The following FER1L6 variants were observed in gnomAD, a reference collection of about 807,000 sequenced individuals.
The protein encoded by FER1L6 is fer-1 like family member 6, also known as fer-1-like protein 6.
FER1L6 carries 177 observed loss-of-function variants against 219.2 expected under a neutral mutation model. The ratio of observed to expected loss-of-function variants is 0.81; its 90% CI spans 0.71 to 0.91. The LOEUF (loss-of-function observed/expected upper bound fraction) is 0.91, where lower values mean the gene tolerates loss of function less well. Among genes scored for constraint, FER1L6 ranks in the 40% least tolerant of loss-of-function variants. The pLI is 0.00. For missense variants in FER1L6, 2,153 were observed against 2,259.9 expected, an observed-to-expected ratio of 0.95 and a Z score of 0.96; for synonymous variants, 768 against 824.3, an observed-to-expected ratio of 0.93 and a Z score of 1.17.
intron 1 of FER1L6, among the ~76,000 whole-genome samples, chr8:123,915,949 C>G (rs1813176021): frequency 6.6e-6 from 1 of 152,132 alleles, no homozygotes; most frequent in Admixed American, 6.6e-5. Context: ...ATGACAAGTT[C>G]AGTAAAGTAT....
At chr8:123,918,683 G>A (rs1467406323) in intron 1 of FER1L6, among the ~76,000 whole-genome samples, 1 of 150,914 alleles carries the variant, frequency 6.6e-6, no homozygotes, top group Non-Finnish European at 1.5e-5. Flanking sequence ...GAGAGTGAAT[G>A]CTGTTAGGTG....
intron 12 of FER1L6, among the ~76,000 whole-genome samples, chr8:123,989,275 G>A (rs1816742639): frequency 2.0e-5 from 3 of 152,074 alleles, no homozygotes; most frequent in African/African-American, 4.8e-5. Flanking sequence ...ATATTGGCCT[G>A]TAATTTTCTT....
Position 123,865,900 on chromosome 8 carries a change from A to C in FER1L6, c.-8+13715A>C, listed in dbSNP as rs566146618. Among the ~76,000 whole-genome samples the C allele has an allele frequency of 3.0e-3, 452 of 151,426 alleles. 26 individuals carry two copies. Among genetic ancestry groups the C allele is most frequent in the African/African-American group, 0.011 (441 of 40,734 alleles). ...CTGTCTGGCACTCCCTAGTGAGATG[A>C]ACCCGGTACCTCAGATGGAAATGCA... On this transcript the variant is annotated intron_variant, in intron 1 of 40. Coordinates refer to ENST00000522917, the MANE Select transcript of FER1L6 (RefSeq NM_001039112.2).
At chr8:123,972,865 T>C (rs1456244752) in intron 6 of FER1L6, among the ~76,000 whole-genome samples, 1 of 152,230 alleles carries the variant, frequency 6.6e-6, no homozygotes, top group Non-Finnish European at 1.5e-5. Flanking sequence ...CACCTTCCTT[T>C]AGAACTTCCT....
At chr8:124,016,880 G>A (rs1818225352) in intron 15 of FER1L6, among the ~76,000 whole-genome samples, 1 of 152,074 alleles carries the variant, frequency 6.6e-6, no homozygotes, top group Non-Finnish European at 1.5e-5. Context: ...AAGAATTCTA[G>A]TGTAATTTAG....
At chr8:124,056,834 C>A (rs1033157156) in intron 22 of FER1L6, among the ~76,000 whole-genome samples, 1 of 152,116 alleles carries the variant, frequency 6.6e-6, no homozygotes, top group Non-Finnish European at 1.5e-5. Flanking sequence ...CACCTGAGGT[C>A]GGAAGTTCGA....
intron 19 of FER1L6, among the ~76,000 whole-genome samples, chr8:124,036,688 C>T (rs913975888): frequency 2.0e-5 from 3 of 152,100 alleles, no homozygotes; most frequent in Non-Finnish European, 4.4e-5. Context: ...CTATTTTTAT[C>T]GACTATCTCT....
intron 35 of FER1L6, among the ~76,000 whole-genome samples, chr8:124,095,683 CTG>C (rs1371652830): frequency 1.3e-5 from 2 of 152,198 alleles, no homozygotes; most frequent in African/African-American, 2.4e-5. Flanking sequence ...TTTATCCAAA[CTG>C]GGGCCATTTG....
intron 26 of FER1L6, among the ~76,000 whole-genome samples, chr8:124,065,138 A>C (rs916600146): frequency 6.6e-6 from 1 of 152,148 alleles, no homozygotes; most frequent in African/African-American, 2.4e-5. Context: ...TCACACCTGT[A>C]ATCCTAGCAC....
intron 32 of FER1L6, among the ~76,000 whole-genome samples, chr8:124,077,162 T>A (rs1333409845): frequency 6.6e-6 from 1 of 152,236 alleles, no homozygotes; most frequent in African/African-American, 2.4e-5. Context: ...GTTCCTAGTT[T>A]TCCTGACCTG....
At position 123,980,215 on chromosome 8, in the gene FER1L6, G is replaced by A. The variant is rs1475220802; in HGVS notation, c.1064-250G>A. Among the ~76,000 whole-genome samples, 9 of 152,276 alleles carry A rather than the reference G, an allele frequency of 5.9e-5. No individual in the cohort carries two copies. The South Asian group carries it at 1.5e-3, about 25-fold the overall frequency. On this transcript the variant is annotated intron_variant, in intron 10 of 40. Coordinates refer to ENST00000522917, the MANE Select transcript of FER1L6 (RefSeq NM_001039112.2). ...ATGGGGGAATCAATAAACATTTGAT[G>A]AATAAGTGAACAGAACAGAATGCAG...
At chr8:124,045,423 T>C (rs1819682290) in intron 20 of FER1L6, among the ~76,000 whole-genome samples, 1 of 152,190 alleles carries the variant, frequency 6.6e-6, no homozygotes, top group African/African-American at 2.4e-5. Flanking sequence ...GCATGTGAAA[T>C]TCAGCACACC....
rs372652726 is a variant in FER1L6, at chr8:123,980,807, C to A, written c.1406C>A (p.Pro469Gln). 6.2e-7 allele frequency: 1 copy of A among 1,612,042 alleles called. No homozygotes were observed. The highest frequency in any genetic ancestry group is 1.7e-5 in the Admixed American group (1 of 59,890). Residue 469 changes from proline to glutamine, a missense_variant, in exon 11 of 41, where the codon CCG becomes CAG. Pro to Gln is a moderately conservative substitution (Grantham distance 76). Coordinates refer to ENST00000522917, the MANE Select transcript of FER1L6 (RefSeq NM_001039112.2). ...EVEVESFDVP[P>Q]EIVPEKNEEF... ...GAGGTGGAATCGTTCGATGTCCCCC[C>A]GGAGGTAGGTCTAGGCACTGCATTA...
intron 32 of FER1L6, among the ~76,000 whole-genome samples, chr8:124,077,856 T>A (rs1450912959): frequency 6.6e-6 from 1 of 152,192 alleles, no homozygotes; most frequent in Non-Finnish European, 1.5e-5. Flanking sequence ...AATCCCACAA[T>A]GTTCCAGCAG....
At chr8:123,925,179 C>G (rs4472497) in intron 1 of FER1L6, among the ~76,000 whole-genome samples, 1 of 152,112 alleles carries the variant, frequency 6.6e-6, no homozygotes, top group Non-Finnish European at 1.5e-5. Flanking sequence ...GGACTTCTCT[C>G]TCATGGAATA....
chr8:123,890,625 A>ATTTTTTTTTTTTTTT (rs59914385), intron 1 of FER1L6, among the ~76,000 whole-genome samples: 2 of 91,432 alleles, frequency 2.2e-5, no homozygotes, highest in East Asian at 3.4e-4. Flanking sequence ...TAAAAATTTG[A>ATTTTTTTTTTTTTTT]TTTTTTTTTT....
chr8:124,041,168 G>A (rs1043076186), intron 20 of FER1L6, among the ~76,000 whole-genome samples: 3 of 152,174 alleles, frequency 2.0e-5, no homozygotes, highest in Non-Finnish European at 4.4e-5. Flanking sequence ...CCATGGGTTA[G>A]CACACACAGT....
chr8:124,080,088 G>A (rs983018724), intron 32 of FER1L6, among the ~76,000 whole-genome samples: 2 of 152,098 alleles, frequency 1.3e-5, no homozygotes, highest in East Asian at 1.9e-4. Context: ...CTGAATGAAC[G>A]AATGAATAAA....
rs751082003 is a variant in FER1L6 at position 124,060,536 on chromosome 8, T to C, written c.2986-12T>C. 1 of 1,613,280 alleles carries C rather than the reference T, an allele frequency of 6.2e-7. No homozygotes were observed. The highest frequency in any genetic ancestry group is 1.1e-5 in the South Asian group (1 of 91,056). ...GGATCTGTGGTGATGGCTCTGCTGG[T>C]CTTTTCCTCAGGTTCTCTTCTGGGG... On this transcript the variant is annotated splice_polypyrimidine_tract_variant and intron_variant, in intron 23 of 40. Coordinates refer to ENST00000522917, the MANE Select transcript of FER1L6 (RefSeq NM_001039112.2).
Sources: gnomAD v4.1 joint callset for allele counts (sites outside exome capture counted in the v4.1 genomes callset) on GRCh38, gnomAD v4.1.1 for gene constraint, MANE v1.5 for transcripts, NCBI Gene and HGNC (gene_info 2026-07-23, HGNC 2026-07-21) for gene names.